MACROD2: variants seen among roughly 807,000 people sequenced by gnomAD.
MACROD2 encodes mono-ADP ribosylhydrolase 2, also known as ADP-ribose glycohydrolase MACROD2.
MACROD2 carries 36 observed loss-of-function variants against 70.4 expected under a neutral mutation model. The ratio of observed to expected loss-of-function variants is 0.51; its 90% CI spans 0.39 to 0.68. The LOEUF (loss-of-function observed/expected upper bound fraction) is 0.68, where lower values mean the gene tolerates loss of function less well. MACROD2 is among the 30% of genes least tolerant of loss of function. The pLI is 0.00. For synonymous variants in MACROD2, 172 were observed against 178.8 expected, an observed-to-expected ratio of 0.96 and a Z score of 0.30; for missense variants, 496 against 538.4, an observed-to-expected ratio of 0.92 and a Z score of 0.78.
At chr20:15,049,895 C>A (rs980249469) in intron 5 of MACROD2, among the ~76,000 whole-genome samples, 1 of 151,718 alleles carries the variant, frequency 6.6e-6, no homozygotes, top group East Asian at 1.9e-4. Context: ...CTGCAGTAAG[C>A]CAAGATTGTG....
intron 5 of MACROD2, among the ~76,000 whole-genome samples, chr20:14,994,213 A>G (rs977454365): frequency 1.3e-5 from 2 of 152,162 alleles, no homozygotes; most frequent in African/African-American, 4.8e-5. Context: ...AGCACTTGCC[A>G]TATTACCTGA....
At chr20:15,225,559 T>G (rs2076898498) in intron 5 of MACROD2, among the ~76,000 whole-genome samples, 1 of 152,216 alleles carries the variant, frequency 6.6e-6, no homozygotes, top group Non-Finnish European at 1.5e-5. Flanking sequence ...TGCATGTAGC[T>G]AAAACAAACC....
intron 3 of MACROD2, among the ~76,000 whole-genome samples, chr20:14,212,478 T>C (rs2081578863): frequency 6.6e-6 from 1 of 152,248 alleles, no homozygotes; most frequent in African/African-American, 2.4e-5. Context: ...GCCCAGCCGG[T>C]AGCATTAACA....
chr20:15,853,774 A>G (rs193013487), intron 8 of MACROD2, among the ~76,000 whole-genome samples: 27 of 152,298 alleles, frequency 1.8e-4, no homozygotes, highest in Non-Finnish European at 2.9e-5. Context: ...TTAGCCTGTA[A>G]CACCCTGAAT....
chr20:14,920,091 G>A (rs1486205656), intron 5 of MACROD2, among the ~76,000 whole-genome samples: 1 of 152,106 alleles, frequency 6.6e-6, no homozygotes, highest in Non-Finnish European at 1.5e-5. Context: ...TCTTCCCCTT[G>A]CTGAGATAAA....
chr20:15,807,979 G>T (rs1270711717), intron 8 of MACROD2, among the ~76,000 whole-genome samples: 2 of 152,136 alleles, frequency 1.3e-5, no homozygotes, highest in Non-Finnish European at 2.9e-5. Context: ...TCAGTTATTT[G>T]CATAAAAAAG....
Position 15,352,015 on chromosome 20 carries a change from CTGTT to C in MACROD2, c.541-79389_541-79386del, listed in dbSNP as rs149301768. Reference sequence around the variant, plus strand: ...ATATAGGCACAGAGAAAAAGAGACTCTGTTAGTTGGTGTTGGGTGCTTAAATTAG... The same window carrying C: ...ATATAGGCACAGAGAAAAAGAGACTCAGTTGGTGTTGGGTGCTTAAATTAG... On this transcript the variant is annotated intron_variant, in intron 6 of 17. Transcript: ENST00000684519. Among the ~76,000 whole-genome samples the C allele has an allele frequency of 5.9e-3, 903 of 152,258 alleles. 8 individuals are homozygous for C. The highest frequency in any genetic ancestry group is 0.02 in the African/African-American group (851 of 41,550).
chr20:14,714,422 G>A (rs201723182), intron 5 of MACROD2, among the ~76,000 whole-genome samples: 4 of 152,118 alleles, frequency 2.6e-5, no homozygotes, highest in East Asian at 1.9e-4. Flanking sequence ...TTCAGCCAGA[G>A]TGATCTTTAC....
intron 3 of MACROD2, among the ~76,000 whole-genome samples, chr20:14,164,480 G>A (rs960847568): frequency 6.6e-6 from 1 of 152,188 alleles, no homozygotes; most frequent in African/African-American, 2.4e-5. Context: ...CAGGTAGGCA[G>A]GTTCTCGGTC....
intron 8 of MACROD2, among the ~76,000 whole-genome samples, chr20:15,759,145 CAAAAAAAAA>C (rs57212358): frequency 1.7e-5 from 1 of 58,926 alleles, no homozygotes. Flanking sequence ...GACTCCATCT[CAAAAAAAAA>C]AAAAAAAAAA....
intron 8 of MACROD2, among the ~76,000 whole-genome samples, chr20:15,575,514 G>A (rs1007734217): frequency 2.6e-5 from 4 of 152,164 alleles, no homozygotes; most frequent in African/African-American, 9.7e-5. Flanking sequence ...GGCAGTGGAG[G>A]CAGAAAGGAG....
chr20:15,702,024 C>G (rs761279442), intron 8 of MACROD2, among the ~76,000 whole-genome samples: 8 of 152,144 alleles, frequency 5.3e-5, no homozygotes, highest in Non-Finnish European at 7.3e-5. Context: ...TGTAGTATTC[C>G]AGAGTGTATA....
At chr20:14,231,636 A>G (rs1490504082) in intron 3 of MACROD2, among the ~76,000 whole-genome samples, 2 of 152,104 alleles carry the variant, frequency 1.3e-5, no homozygotes, top group Admixed American at 6.5e-5. Context: ...ATGATTTATA[A>G]TCCTTTGGGT....
At chr20:15,503,426 T>C (rs919492467) in intron 8 of MACROD2, among the ~76,000 whole-genome samples, 2 of 152,202 alleles carry the variant, frequency 1.3e-5, no homozygotes, top group Admixed American at 6.5e-5. Flanking sequence ...TAACTTTAAC[T>C]TGGGTTCGGC....
At chr20:15,404,681 A>G (rs2045973750) in intron 6 of MACROD2, among the ~76,000 whole-genome samples, 1 of 152,088 alleles carries the variant, frequency 6.6e-6, no homozygotes, top group Non-Finnish European at 1.5e-5. Context: ...ACTAACTTTC[A>G]CTGACCAAAG....
intron 6 of MACROD2, among the ~76,000 whole-genome samples, chr20:15,249,739 A>T (rs1336713267): frequency 6.6e-6 from 1 of 152,222 alleles, no homozygotes; most frequent in South Asian, 2.1e-4. Context: ...AGTTGAGTTC[A>T]TGACTATTGC....
intron 3 of MACROD2, among the ~76,000 whole-genome samples, chr20:14,183,854 A>G (rs925783264): frequency 2.6e-5 from 4 of 151,896 alleles, no homozygotes; most frequent in Non-Finnish European, 4.4e-5. Flanking sequence ...AGTCCTGTTC[A>G]TTTCCTTTGC....
intron 5 of MACROD2, among the ~76,000 whole-genome samples, chr20:14,784,903 A>G (rs2072348892): frequency 6.6e-6 from 1 of 152,048 alleles, no homozygotes; most frequent in South Asian, 2.1e-4. Context: ...TGGTAATATA[A>G]CTTTACATAT....
chr20:15,825,182 G>A (rs2063983578), intron 8 of MACROD2, among the ~76,000 whole-genome samples: 1 of 152,138 alleles, frequency 6.6e-6, no homozygotes, highest in African/African-American at 2.4e-5. Flanking sequence ...ACTGAAAGGT[G>A]GCATCTCTTT....
Sources: gnomAD v4.1 joint callset for allele counts (sites outside exome capture counted in the v4.1 genomes callset) on GRCh38, gnomAD v4.1.1 for gene constraint, MANE v1.5 for transcripts, NCBI Gene and HGNC (gene_info 2026-07-23, HGNC 2026-07-21) for gene names.